CFAP54: variants seen among roughly 807,000 people sequenced by gnomAD.
CFAP54 encodes cilia- and flagella-associated protein 54.
A neutral mutation model predicts 370.4 loss-of-function variants in CFAP54; 290 were observed. That is an observed-to-expected ratio of 0.78 (90% CI 0.71 to 0.86). The LOEUF (loss-of-function observed/expected upper bound fraction) is 0.86, where lower values mean the gene tolerates loss of function less well. CFAP54 is among the 40% of genes least tolerant of loss of function. CFAP54 has a pLI of 0.00. For synonymous variants in CFAP54, 1,206 were observed against 1,236.5 expected (o/e 0.98, Z 0.52); for missense variants, 3,399 against 3,528.7 (o/e 0.96, Z 0.93).
At chr12:96,503,084 C>A (rs907118040) in intron 2 of CFAP54, among the ~76,000 whole-genome samples, 27 of 124,126 alleles carry the variant, frequency 2.2e-4, no homozygotes, top group African/African-American at 8.0e-4. Context: ...CTTTCTTTCT[C>A]TTTCTTTCTT....
chr12:96,500,807 TGTC>T (rs983160152), intron 1 of CFAP54, 24 bp from the exon 2 acceptor site: 17 of 1,469,538 alleles, frequency 1.2e-5, no homozygotes, highest in Non-Finnish European at 1.6e-5. Context: ...ACTTTGACAA[TGTC>T]GTTTTATTTT....
At chr12:96,492,069 A>G (rs1954890791) in intron 1 of CFAP54, among the ~76,000 whole-genome samples, 1 of 152,112 alleles carries the variant, frequency 6.6e-6, no homozygotes. Flanking sequence ...TTATACATTT[A>G]TATTTAAATG....
chr12:96,759,659 A>G (rs377449969), intron 58 of CFAP54, among the ~76,000 whole-genome samples: 5 of 152,234 alleles, frequency 3.3e-5, no homozygotes, highest in African/African-American at 1.2e-4. Context: ...TTTCACTTTT[A>G]TGTAGTGTCC....
At chr12:96,638,233 GTGTGTGTGTATATA>G (rs1478315592) in intron 32 of CFAP54, among the ~76,000 whole-genome samples, 9 of 93,380 alleles carry the variant, frequency 9.6e-5, no homozygotes, top group East Asian at 2.4e-4. Context: ...GTGTGTGTGT[GTGTGTGTGTATATA>G]TATATATATT....
chr12:96,844,081 T>G (rs974336963), intron 66 of CFAP54, among the ~76,000 whole-genome samples: 39 of 152,244 alleles, frequency 2.6e-4, no homozygotes, highest in African/African-American at 9.2e-4. Context: ...ATTATATTTT[T>G]ATTGACTAAA....
At chr12:96,680,430 C>T (rs1379212801) in intron 40 of CFAP54, among the ~76,000 whole-genome samples, 1 of 151,868 alleles carries the variant, frequency 6.6e-6, no homozygotes, top group Non-Finnish European at 1.5e-5. Flanking sequence ...TTTTAAAAAT[C>T]CTGTTTTATA....
intron 33 of CFAP54, 22 bp downstream of exon 33, chr12:96,644,430 A>G (rs1956768005): frequency 6.9e-7 from 1 of 1,455,654 alleles, no homozygotes; most frequent in Non-Finnish European, 9.3e-7. Flanking sequence ...TACTGATGAA[A>G]AATACTTTTT....
chr12:96,747,032 C>A (rs1194012989), intron 55 of CFAP54, among the ~76,000 whole-genome samples: 1 of 152,154 alleles, frequency 6.6e-6, no homozygotes, highest in Non-Finnish European at 1.5e-5. Context: ...TTGTTAAGGA[C>A]AATTTACTTG....
At chr12:96,713,269 T>C (rs1324242104) in intron 48 of CFAP54, among the ~76,000 whole-genome samples, 1 of 152,132 alleles carries the variant, frequency 6.6e-6, no homozygotes, top group Non-Finnish European at 1.5e-5. Flanking sequence ...ATAGCCAAGA[T>C]ATGGAATCAA....
intron 27 of CFAP54, among the ~76,000 whole-genome samples, chr12:96,623,046 C>T (rs1280307660): frequency 6.6e-6 from 1 of 152,118 alleles, no homozygotes; most frequent in Non-Finnish European, 1.5e-5. Flanking sequence ...CATGGTAGGA[C>T]AGGCCTCATG....
intron 50 of CFAP54, 35 bp from the exon 51 acceptor site, chr12:96,739,921 T>A: frequency 8.1e-7 from 1 of 1,229,340 alleles, no homozygotes; most frequent in Non-Finnish European, 1.2e-6. Flanking sequence ...ACAAATATAA[T>A]ACTGATAACA....
chr12:96,691,438 G>T, intron 44 of CFAP54, 128 bp downstream of exon 44: 1 of 552,606 alleles, frequency 1.8e-6, no homozygotes, highest in Non-Finnish European at 3.0e-6. Flanking sequence ...TATATATGTG[G>T]GATTCTTACT....
At chr12:96,621,463 TA>T in intron 26 of CFAP54, 126 bp from the exon 27 acceptor site, 1 of 602,250 alleles carries the variant, frequency 1.7e-6, no homozygotes, top group Non-Finnish European at 2.5e-6. Context: ...CGGTTTTTTT[TA>T]AAATAAAAGG....
chr12:96,857,631 G>A (rs1959747192), intron 66 of CFAP54, among the ~76,000 whole-genome samples: 1 of 152,140 alleles, frequency 6.6e-6, no homozygotes, highest in African/African-American at 2.4e-5. Context: ...CATGTGTCAA[G>A]GAGGGACCTG....
chr12:96,787,231 A>C (rs1200919993), intron 62 of CFAP54, among the ~76,000 whole-genome samples: 1 of 152,248 alleles, frequency 6.6e-6, no homozygotes, highest in Non-Finnish European at 1.5e-5. Context: ...TAAGAAAACT[A>C]GACTGATAGT....
Position 96,708,720 on chromosome 12 carries a change from C to T in CFAP54, c.6641C>T (p.Ala2214Val). The change falls in exon 48 of 68, where the codon GCT becomes GTT. Residue 2214 changes from alanine (A) to valine (V), a missense_variant. By Grantham distance (64) the Ala-to-Val change is moderately conservative. Around this residue, in one of 3 missense-constraint regions of CFAP54, gnomAD observed 2,796 missense variants for 2,869.7 expected, o/e 0.97. Coordinates refer to ENST00000524981, the MANE Select transcript of CFAP54 (RefSeq NM_001306084.2). ...FVKAYFFLSVAATINCVPENK... is the reference protein window; with the variant it reads ...FVKAYFFLSVVATINCVPENK... ...AAAGCATACTTTTTCCTAAGTGTGG[C>T]TGCGACAATAAATTGTGTCCCAGAA... The T allele has an allele frequency of 6.2e-7, 1 of 1,612,324 alleles. No homozygotes were observed. Among genetic ancestry groups the T allele is most frequent in the Non-Finnish European group, 8.5e-7 (1 of 1,179,436 alleles).
chr12:96,664,711 ATAT>A (rs1957045937), intron 39 of CFAP54, among the ~76,000 whole-genome samples: 1 of 11,338 alleles, frequency 8.8e-5, no homozygotes, highest in African/African-American at 3.7e-4. Flanking sequence ...ATATATATAT[ATAT>A]CTATATATAT....
intron 58 of CFAP54, among the ~76,000 whole-genome samples, chr12:96,763,845 A>G (rs903952581): frequency 1.1e-4 from 16 of 152,226 alleles, no homozygotes; most frequent in African/African-American, 3.9e-4. Flanking sequence ...ATAGAAAATT[A>G]GAAAAAAATG....
chr12:96,539,001 A>G (rs956425296), intron 13 of CFAP54, among the ~76,000 whole-genome samples: 7 of 149,678 alleles, frequency 4.7e-5, no homozygotes, highest in Admixed American at 2.7e-4. Flanking sequence ...CAATCTGCTC[A>G]TCTCAGCCTC....
Sources: gnomAD v4.1 joint callset for allele counts (sites outside exome capture counted in the v4.1 genomes callset) on GRCh38, gnomAD v4.1.1 for gene constraint, gnomAD v4.1.1 regional missense constraint, MANE v1.5 for transcripts, NCBI Gene and HGNC (gene_info 2026-07-23, HGNC 2026-07-21) for gene names.